Variants in NHLRC2 observed in about 807,000 individuals in gnomAD.
NHLRC2 encodes NHL repeat-containing protein 2.
A neutral mutation model predicts 68.1 loss-of-function variants in NHLRC2; 33 were observed. That is an observed-to-expected ratio of 0.48 (90% CI 0.37 to 0.65). NHLRC2 has a LOEUF of 0.65. NHLRC2 is among the 30% of genes least tolerant of loss of function. NHLRC2 has a pLI of 0.00. For synonymous variants in NHLRC2, 311 were observed against 309.6 expected, an observed-to-expected ratio of 1.00 and a Z score of -0.05; for missense variants, 761 against 853.8, an observed-to-expected ratio of 0.89 and a Z score of 1.35.
chr10:113,880,335 A>G (rs1293586225), intron 4 of NHLRC2, among the ~76,000 whole-genome samples: 2 of 151,908 alleles, frequency 1.3e-5, no homozygotes, highest in Non-Finnish European at 2.9e-5. Flanking sequence ...CTATGCATAC[A>G]TAATGTTTTG....
At position 113,892,009 on chromosome 10, in the gene NHLRC2, G is replaced by A. The variant is rs139123947; in HGVS notation, c.1040-6101G>A. ...ATCTACCTTTTCCACAGCTGTAAAT[G>A]GTATTTTCCTGTGCTCTGTGGAAAG... On this transcript the variant is annotated intron_variant, in intron 5 of 10. Transcript: ENST00000369301. Among the ~76,000 whole-genome samples, 6 of 152,222 alleles carry A rather than the reference G, an allele frequency of 3.9e-5. No homozygotes were observed. In the South Asian group the frequency reaches 1.2e-3, roughly 32 times the overall value.
In NHLRC2 at chr10:113,912,185, G is replaced by T. The variant is rs1409120455; in HGVS notation, c.*3649G>T. 1 of 152,044 alleles carries T rather than the reference G, an allele frequency of 6.6e-6. No individual in the cohort carries two copies. The highest frequency in any genetic ancestry group is 1.5e-5 in the Non-Finnish European group (1 of 68,000). 9.4% of individuals were successfully genotyped at this position (152,044 alleles called of 1,614,324 possible). A position where few individuals can be genotyped will look rare whatever the true frequency, so the allele number is the denominator to read the frequency against. ...AACTTGGATTCTAATCCTTTAAAAT[G>T]GGGCTGATATACCTGCCTCATATTC... On this transcript the variant is annotated 3_prime_UTR_variant, in exon 11 of 11. Coordinates refer to ENST00000369301, the MANE Select transcript of NHLRC2 (RefSeq NM_198514.4).
At chr10:113,891,450 G>A (rs1454048569) in intron 5 of NHLRC2, among the ~76,000 whole-genome samples, 2 of 152,120 alleles carry the variant, frequency 1.3e-5, no homozygotes. Flanking sequence ...AACAATAGAG[G>A]CTGAGATAAA....
intron 4 of NHLRC2, among the ~76,000 whole-genome samples, chr10:113,883,060 T>C (rs1227906525): frequency 2.6e-5 from 4 of 151,892 alleles, no homozygotes; most frequent in Non-Finnish European, 1.5e-5. Flanking sequence ...CTGTTTTGAT[T>C]GCTGTAGCTT....
At chr10:113,869,549 A>G (rs1845902589) in intron 2 of NHLRC2, among the ~76,000 whole-genome samples, 2 of 152,018 alleles carry the variant, frequency 1.3e-5, no homozygotes, top group Non-Finnish European at 2.9e-5. Flanking sequence ...AGTTTCTTCT[A>G]TCCTTCCTGC....
chr10:113,891,720 C>T (rs1037409846), intron 5 of NHLRC2, among the ~76,000 whole-genome samples: 3 of 152,162 alleles, frequency 2.0e-5, no homozygotes, highest in East Asian at 3.8e-4. Flanking sequence ...CTCTTGCAGC[C>T]GTCCCAGGGA....
At chr10:113,874,386 C>G (rs540654495) in intron 2 of NHLRC2, among the ~76,000 whole-genome samples, 1 of 151,556 alleles carries the variant, frequency 6.6e-6, no homozygotes, top group Non-Finnish European at 1.5e-5. Flanking sequence ...ACCCACATCC[C>G]CCAGGCAACC....
At chr10:113,903,232 TA>T (rs1300186005) in intron 8 of NHLRC2, among the ~76,000 whole-genome samples, 2 of 151,790 alleles carry the variant, frequency 1.3e-5, no homozygotes, top group East Asian at 1.9e-4. Flanking sequence ...AACAATTCAA[TA>T]AAAAAAAATT....
At chr10:113,882,535 T>C (rs1045226008) in intron 4 of NHLRC2, among the ~76,000 whole-genome samples, 1 of 151,800 alleles carries the variant, frequency 6.6e-6, no homozygotes, top group Admixed American at 6.6e-5. Context: ...AAATTTTTAA[T>C]TGGGTTGTCT....
Position 113,916,372 on chromosome 10 carries a change from T to C in NHLRC2, c.*7836T>C, listed in dbSNP as rs1846386209. On this transcript the variant is annotated 3_prime_UTR_variant, in exon 11 of 11. Coordinates refer to ENST00000369301, the MANE Select transcript of NHLRC2 (RefSeq NM_198514.4). Reference sequence around the variant, plus strand: ...AAGTTTCAGTGAGAAATTATGGTTATATAAATAACAGATATGGCAGAACAA... The same window carrying C: ...AAGTTTCAGTGAGAAATTATGGTTACATAAATAACAGATATGGCAGAACAA... 6.6e-6 allele frequency: 1 copy of C among 152,220 alleles called. No homozygotes were observed. The highest frequency in any genetic ancestry group is 1.5e-5 in the Non-Finnish European group (1 of 68,030). 9.4% of individuals were successfully genotyped at this position (152,220 alleles called of 1,614,324 possible). A position where few individuals can be genotyped will look rare whatever the true frequency, so the allele number is the denominator to read the frequency against.
intron 4 of NHLRC2, among the ~76,000 whole-genome samples, chr10:113,883,227 T>C (rs1241668190): frequency 1.3e-5 from 2 of 151,930 alleles, no homozygotes; most frequent in African/African-American, 2.4e-5. Context: ...TGTAAACATA[T>C]TGTCTCCAAA....
chr10:113,877,043 T>C (rs1335107938), intron 3 of NHLRC2, 67 bp downstream of exon 3: 10 of 938,088 alleles, frequency 1.1e-5, no homozygotes, highest in Non-Finnish European at 1.3e-5. Context: ...AAGGTAAATA[T>C]AAAAGTTGAA....
At chr10:113,889,093 C>T (rs1846107238) in intron 5 of NHLRC2, among the ~76,000 whole-genome samples, 1 of 152,112 alleles carries the variant, frequency 6.6e-6, no homozygotes, top group Non-Finnish European at 1.5e-5. Context: ...TCCCAAAGTG[C>T]TGGGATTACA....
At chr10:113,858,224 T>A (rs1273782033) in intron 1 of NHLRC2, among the ~76,000 whole-genome samples, 2 of 152,038 alleles carry the variant, frequency 1.3e-5, no homozygotes, top group African/African-American at 4.8e-5. Context: ...CTTCCTTTTC[T>A]TTCTTCCCTT....
At chr10:113,882,211 G>A (rs1267860642) in intron 4 of NHLRC2, among the ~76,000 whole-genome samples, 1 of 151,686 alleles carries the variant, frequency 6.6e-6, no homozygotes, top group Non-Finnish European at 1.5e-5. Flanking sequence ...ATTTGGCATG[G>A]GTAGATACCT....
intron 10 of NHLRC2, among the ~76,000 whole-genome samples, chr10:113,906,069 G>T (rs140504954): frequency 6.6e-6 from 1 of 152,316 alleles, no homozygotes; most frequent in African/African-American, 2.4e-5. Context: ...GTTCTAGACT[G>T]CCAATTTAAG....
intron 8 of NHLRC2, among the ~76,000 whole-genome samples, chr10:113,903,125 ATTAAGT>A (rs1846242527): frequency 6.6e-6 from 1 of 152,236 alleles, no homozygotes; most frequent in Non-Finnish European, 1.5e-5. Context: ...ACTGTCAATC[ATTAAGT>A]TTAACAAAGG....
At chr10:113,858,772 TGG>T (rs1845787574) in intron 2 of NHLRC2, 92 bp downstream of exon 2, 9 of 827,694 alleles carry the variant, frequency 1.1e-5, no homozygotes, top group Non-Finnish European at 1.7e-5. Flanking sequence ...AATGAACATT[TGG>T]CAAGGCTTCA....
rs1040345446 is a variant in NHLRC2 at position 113,905,096 on chromosome 10, A to G, written c.1924+60A>G. The G allele has an allele frequency of 4.4e-6, 4 of 900,682 alleles. No individual in the cohort carries two copies. In the African/African-American group the frequency reaches 6.9e-5, roughly 16 times the overall value. The allele number at this position is 900,682 out of a possible 1,614,324, so 55.8% of individuals were successfully genotyped here. A position where few individuals can be genotyped will look rare whatever the true frequency, so the allele number is the denominator to read the frequency against. On this transcript the variant is annotated intron_variant, in intron 10 of 10. Transcript: ENST00000369301. Reference sequence around the variant, plus strand: ...TATATTCTTGATGTTTAATCTAGTTATTTTTTATTTGTTAGGTGATATTTT... The same window carrying G: ...TATATTCTTGATGTTTAATCTAGTTGTTTTTTATTTGTTAGGTGATATTTT...
Sources: gnomAD v4.1 joint callset for allele counts (sites outside exome capture counted in the v4.1 genomes callset) on GRCh38, gnomAD v4.1.1 for gene constraint, MANE v1.5 for transcripts, NCBI Gene and HGNC (gene_info 2026-07-23, HGNC 2026-07-21) for gene names.